The following MYRIP variants were observed in gnomAD, a reference collection of about 807,000 sequenced individuals.
MYRIP encodes the protein rab effector MyRIP.
MYRIP carries 49 observed loss-of-function variants against 98.0 expected under a neutral mutation model. That is an observed-to-expected ratio of 0.50 (90% CI 0.40 to 0.63). MYRIP has a LOEUF of 0.63. MYRIP is among the 30% of genes least tolerant of loss of function. The pLI, the probability that MYRIP is intolerant of heterozygous loss-of-function variation, is 0.00. For missense variants in MYRIP, 1,004 were observed against 1,058.2 expected (o/e 0.95, Z 0.71); for synonymous variants, 404 against 409.5 (o/e 0.99, Z 0.16).
intron 2 of MYRIP, among the ~76,000 whole-genome samples, chr3:39,986,791 T>A (rs974477317): frequency 2.0e-5 from 3 of 152,098 alleles, no homozygotes; most frequent in African/African-American, 4.8e-5. Flanking sequence ...AGGCATATCT[T>A]CTTTTCTCAA....
intron 1 of MYRIP, among the ~76,000 whole-genome samples, chr3:39,849,413 C>G (rs931828591): frequency 1.3e-5 from 2 of 152,168 alleles, no homozygotes; most frequent in African/African-American, 4.8e-5. Context: ...TAGTTTTAAC[C>G]ATCCAATGGA....
At chr3:39,889,558 T>A (rs868247722) in intron 1 of MYRIP, among the ~76,000 whole-genome samples, 1 of 152,090 alleles carries the variant, frequency 6.6e-6, no homozygotes, top group Non-Finnish European at 1.5e-5. Context: ...AGGGATAGCA[T>A]TGGGAGATAT....
intron 11 of MYRIP, among the ~76,000 whole-genome samples, chr3:40,229,868 T>A (rs1158907195): frequency 6.6e-6 from 1 of 152,106 alleles, no homozygotes; most frequent in Admixed American, 6.6e-5. Flanking sequence ...CAGATACACA[T>A]CCTGTGGTGG....
At position 40,028,742 on chromosome 3, in the gene MYRIP, G is replaced by C. The variant is rs544746423; in HGVS notation, c.111-15308G>C. On this transcript the variant is annotated intron_variant, in intron 2 of 16. Transcript: ENST00000302541. ...CAAGATATTTCAAAGCAGGTAGCCT[G>C]TCTTGCATCATTCTTGGTTGATCTG... 2.6e-5 allele frequency among the ~76,000 whole-genome samples: 4 copies of C among 152,306 alleles called. No homozygotes were observed. In the East Asian group the frequency reaches 7.7e-4, roughly 29 times the overall value.
chr3:40,190,803 G>C (rs1631549), intron 10 of MYRIP, among the ~76,000 whole-genome samples: 131,934 of 152,160 alleles, frequency 0.87, 57,519 homozygotes, highest in Middle Eastern at 0.95. Context: ...AGCCCTCCTG[G>C]TGATTCTACT....
At chr3:39,936,228 A>G (rs1358849457) in intron 2 of MYRIP, among the ~76,000 whole-genome samples, 1 of 152,234 alleles carries the variant, frequency 6.6e-6, no homozygotes, top group African/African-American at 2.4e-5. Context: ...TGTTTAAGAA[A>G]TTTATGACTT....
At chr3:40,221,042 C>CAAAAAAAAAAAAAAAAAAAAAAA in intron 11 of MYRIP, among the ~76,000 whole-genome samples, 1 of 61,610 alleles carries the variant, frequency 1.6e-5, no homozygotes, top group Non-Finnish European at 3.1e-5. Context: ...GGCAAGTCAC[C>CAAAAAAAAAAAAAAAAAAAAAAA]AAAAAAAAAA....
At chr3:40,104,547 T>C (rs1053871219) in intron 3 of MYRIP, among the ~76,000 whole-genome samples, 2 of 152,226 alleles carry the variant, frequency 1.3e-5, no homozygotes, top group Non-Finnish European at 2.9e-5. Flanking sequence ...ACTGTGATTT[T>C]TCTTTTCTCA....
rs372937963 is a variant in MYRIP, at chr3:39,833,451, A to G, written c.-31+23535A>G. On this transcript the variant is annotated intron_variant, in intron 1 of 16. Coordinates refer to ENST00000302541, the MANE Select transcript of MYRIP (RefSeq NM_015460.4). ...AACTGTTTTGTAGAATTGAGACTCCAAAAGAAAGAGATGACAAAGAGATGG... is the reference window on the plus strand; with the variant it reads ...AACTGTTTTGTAGAATTGAGACTCCGAAAGAAAGAGATGACAAAGAGATGG... Among the ~76,000 whole-genome samples the G allele has an allele frequency of 8.1e-4, 123 of 152,256 alleles. 4 individuals carry two copies. The highest frequency in any genetic ancestry group is 2.9e-3 in the African/African-American group (121 of 41,558).
intron 5 of MYRIP, among the ~76,000 whole-genome samples, chr3:40,164,331 T>C (rs1950460649): frequency 6.6e-6 from 1 of 152,214 alleles, no homozygotes. Context: ...TGTATGTACA[T>C]GCACATATAT....
intron 2 of MYRIP, among the ~76,000 whole-genome samples, chr3:39,960,015 G>C (rs1673301001): frequency 6.6e-6 from 1 of 152,076 alleles, no homozygotes; most frequent in African/African-American, 2.4e-5. Flanking sequence ...ACTGGCATCA[G>C]CTTCCTGAGC....
At chr3:39,810,729 T>C (rs1384288792) in intron 1 of MYRIP, 1 of 152,224 alleles carries the variant, frequency 6.6e-6, no homozygotes, top group African/African-American at 2.4e-5. Flanking sequence ...GGGGAATTTG[T>C]TCTTATATCC....
At chr3:40,033,016 A>G (rs1947295779) in intron 2 of MYRIP, among the ~76,000 whole-genome samples, 1 of 151,712 alleles carries the variant, frequency 6.6e-6, no homozygotes, top group Non-Finnish European at 1.5e-5. Context: ...AAAAAATTCA[A>G]CAACTCTTCA....
chr3:39,940,637 A>G (rs1325769098), intron 2 of MYRIP, among the ~76,000 whole-genome samples: 1 of 152,128 alleles, frequency 6.6e-6, no homozygotes, highest in East Asian at 1.9e-4. Context: ...TTAATGGTAC[A>G]TGATTTCTTA....
chr3:40,067,623 C>T (rs1036962326), intron 3 of MYRIP, among the ~76,000 whole-genome samples: 9 of 152,048 alleles, frequency 5.9e-5, no homozygotes, highest in African/African-American at 2.2e-4. Flanking sequence ...AGGTATTGTA[C>T]TCAGAATGAA....
intron 3 of MYRIP, among the ~76,000 whole-genome samples, chr3:40,062,260 G>C (rs1055325275): frequency 6.6e-6 from 1 of 152,064 alleles, no homozygotes; most frequent in East Asian, 1.9e-4. Flanking sequence ...TCTATCTTGA[G>C]CTGATTTTCA....
At chr3:39,822,202 A>G (rs144641148) in intron 1 of MYRIP, among the ~76,000 whole-genome samples, 1 of 152,298 alleles carries the variant, frequency 6.6e-6, no homozygotes, top group African/African-American at 2.4e-5. Context: ...TAATAATTAT[A>G]CATATTTATG....
At chr3:39,859,720 T>C (rs901180116) in intron 1 of MYRIP, among the ~76,000 whole-genome samples, 2 of 152,194 alleles carry the variant, frequency 1.3e-5, no homozygotes, top group African/African-American at 2.4e-5. Context: ...GTTCAACATA[T>C]ACAAATCAGT....
At chr3:39,985,967 T>C (rs1946021573) in intron 2 of MYRIP, among the ~76,000 whole-genome samples, 4 of 152,146 alleles carry the variant, frequency 2.6e-5, no homozygotes, top group South Asian at 4.2e-4. Flanking sequence ...TGGGATCTAA[T>C]TAAACTAAAG....
Sources: gnomAD v4.1 joint callset for allele counts (sites outside exome capture counted in the v4.1 genomes callset) on GRCh38, gnomAD v4.1.1 for gene constraint, MANE v1.5 for transcripts, NCBI Gene and HGNC (gene_info 2026-07-23, HGNC 2026-07-21) for gene names.